Variants in MAML3 observed in about 807,000 individuals in gnomAD.
MAML3 encodes mastermind-like protein 3.
In MAML3, 27 loss-of-function variants were observed where a neutral mutation model predicts 101.9. The observed-to-expected ratio is 0.27, with a 90% CI of 0.20 to 0.37. The LOEUF (loss-of-function observed/expected upper bound fraction) is 0.37. Ranked by LOEUF, MAML3 falls within the 10% of genes least tolerant of loss-of-function variation. The pLI, the probability that MAML3 is intolerant of heterozygous loss-of-function variation, is 1.00. For missense variants in MAML3, 1,316 were observed against 1,444.9 expected, an observed-to-expected ratio of 0.91 and a Z score of 1.45; for synonymous variants, 501 against 555.9, an observed-to-expected ratio of 0.90 and a Z score of 1.39.
intron 2 of MAML3, among the ~76,000 whole-genome samples, chr4:139,842,455 A>T (rs1443431888): frequency 1.3e-5 from 2 of 152,230 alleles, no homozygotes; most frequent in Non-Finnish European, 2.9e-5. Context: ...TACTGCATTC[A>T]TGAGCATCTA....
At chr4:139,852,812 G>A (rs555827730) in intron 2 of MAML3, among the ~76,000 whole-genome samples, 2 of 152,196 alleles carry the variant, frequency 1.3e-5, no homozygotes, top group East Asian at 1.9e-4. Flanking sequence ...CAGCATTCTG[G>A]TTATGTCTCT....
In MAML3 at chr4:139,719,695, C is replaced by T. The variant is rs151251850; in HGVS notation, c.3045G>A (p.Thr1015=). 16 of 1,613,540 alleles carry T rather than the reference C, an allele frequency of 9.9e-6. No homozygotes were observed. The East Asian group carries it at 2.2e-4, about 22-fold the overall frequency. Residue 1015 remains threonine, a synonymous_variant, in exon 5 of 5, where the codon ACG becomes ACA. Coordinates refer to ENST00000509479, the MANE Select transcript of MAML3 (RefSeq NM_018717.5). The part of the protein sequence containing the change: ...GLSQSVVDAN[T]GTVRTLNPAA... ...CTGGGTTGAGGGTCCTCACTGTGCCCGTGTTAGCATCCACGACTGACTGGC... is the reference window on the plus strand; with the variant it reads ...CTGGGTTGAGGGTCCTCACTGTGCCTGTGTTAGCATCCACGACTGACTGGC...
chr4:140,153,200 G>A lies in MAML3; in HGVS notation c.128C>T (p.Ala43Val), dbSNP rs1729208528. 1 of 1,556,264 alleles carries A rather than the reference G, an allele frequency of 6.4e-7. No homozygotes were observed. Among genetic ancestry groups the A allele is most frequent in the Non-Finnish European group, 8.7e-7 (1 of 1,149,644 alleles). The part of the protein sequence containing the change: ...VNNTPNSTPA[A>V]PSSNHPAAGG... ...GGCTGCCGGGTGATTGCTACTCGGA[G>A]CAGCGGGAGTACTATTGGGAGTATT... Residue 43 changes from alanine to valine, a missense_variant, in exon 1 of 5, where the codon GCT (alanine) becomes GTT (valine). Transcript: ENST00000509479.
intron 2 of MAML3, among the ~76,000 whole-genome samples, chr4:139,877,151 T>A (rs1182253263): frequency 8.5e-5 from 13 of 152,200 alleles, no homozygotes. Flanking sequence ...AATTGCATAA[T>A]CTCATGTGTC....
At chr4:139,945,965 C>T (rs1275103297) in intron 1 of MAML3, among the ~76,000 whole-genome samples, 1 of 152,194 alleles carries the variant, frequency 6.6e-6, no homozygotes, top group African/African-American at 2.4e-5. Context: ...CACTGCACAC[C>T]TTCTCAGTCC....
At chr4:139,904,998 T>C (rs1732794369) in intron 1 of MAML3, among the ~76,000 whole-genome samples, 2 of 152,220 alleles carry the variant, frequency 1.3e-5, no homozygotes, top group Non-Finnish European at 2.9e-5. Flanking sequence ...TGAAATGTCA[T>C]TATGTAGCAC....
At position 139,910,862 on chromosome 4, in the gene MAML3, C is replaced by T. The variant is rs541851809; in HGVS notation, c.469-19895G>A. Among the ~76,000 whole-genome samples the T allele has an allele frequency of 2.8e-4, 42 of 152,226 alleles. No homozygotes were observed. The East Asian group carries it at 7.1e-3, about 26-fold the overall frequency. On this transcript the variant is annotated intron_variant, in intron 1 of 4. Coordinates refer to ENST00000509479, the MANE Select transcript of MAML3 (RefSeq NM_018717.5). ...GTCCGAGAAGTATAATACAGGCATA[C>T]AGATATATATAATTGTGGTTAAAAT...
intron 2 of MAML3, among the ~76,000 whole-genome samples, chr4:139,826,822 G>A (rs1056264270): frequency 8.6e-5 from 13 of 151,958 alleles, no homozygotes; most frequent in Non-Finnish European, 7.4e-5. Context: ...AGACACATAC[G>A]GCACCATCAC....
At chr4:140,144,962 C>T (rs1188439410) in intron 1 of MAML3, among the ~76,000 whole-genome samples, 1 of 152,154 alleles carries the variant, frequency 6.6e-6, no homozygotes, top group East Asian at 1.9e-4. Flanking sequence ...CAGCATCTAA[C>T]AAACAAAGAA....
chr4:140,023,412 C>T (rs1726768950), intron 1 of MAML3, among the ~76,000 whole-genome samples: 1 of 152,186 alleles, frequency 6.6e-6, no homozygotes, highest in South Asian at 2.1e-4. Context: ...ATGTGCCCTC[C>T]TGCTAAGCCC....
chr4:140,071,221 C>T (rs1239311981), intron 1 of MAML3, among the ~76,000 whole-genome samples: 1 of 152,224 alleles, frequency 6.6e-6, no homozygotes, highest in Non-Finnish European at 1.5e-5. Flanking sequence ...ACTCCGCACA[C>T]ACTCTCTCTC....
At chr4:139,929,856 G>T (rs1733344832) in intron 1 of MAML3, among the ~76,000 whole-genome samples, 1 of 152,188 alleles carries the variant, frequency 6.6e-6, no homozygotes, top group African/African-American at 2.4e-5. Context: ...GGGAAAAAGA[G>T]CAAGCAACTT....
intron 1 of MAML3, among the ~76,000 whole-genome samples, chr4:139,907,955 G>T (rs1732849495): frequency 6.6e-6 from 1 of 152,062 alleles, no homozygotes; most frequent in African/African-American, 2.4e-5. Flanking sequence ...ACCTTTTCTG[G>T]GTGTCCACAT....
intron 1 of MAML3, 137 bp from the exon 2 acceptor site, chr4:139,891,104 A>G (rs1051672968): frequency 9.6e-7 from 1 of 1,037,012 alleles, no homozygotes; most frequent in African/African-American, 1.6e-5. Flanking sequence ...TTATAATTTC[A>G]AAATCAGGCA....
chr4:140,136,832 A>C (rs1056340245), intron 1 of MAML3, among the ~76,000 whole-genome samples: 1 of 152,212 alleles, frequency 6.6e-6, no homozygotes, highest in Non-Finnish European at 1.5e-5. Flanking sequence ...AATGATAAAC[A>C]ATGATGCTAA....
At chr4:140,028,237 G>A (rs1408104770) in intron 1 of MAML3, among the ~76,000 whole-genome samples, 1 of 152,124 alleles carries the variant, frequency 6.6e-6, no homozygotes, top group African/African-American at 2.4e-5. Context: ...AGATGAAGCA[G>A]GAAGAAGAGA....
In MAML3 at chr4:139,720,538, TAA is replaced by T. The variant is rs531662185; in HGVS notation, c.2417-217_2417-216del. On this transcript the variant is annotated intron_variant, in intron 4 of 4. Transcript: ENST00000509479. ...TGTTAAAAAATACAGAGACAAAAATTAAAGTCACCTGAAATCCCACTATCCAG... is the reference window on the plus strand; with the variant it reads ...TGTTAAAAAATACAGAGACAAAAATTAGTCACCTGAAATCCCACTATCCAG... 2.9e-3 allele frequency among the ~76,000 whole-genome samples: 449 copies of T among 152,358 alleles called. 1 individual carries two copies. The highest frequency in any genetic ancestry group is 0.01 in the Middle Eastern group (3 of 294).
intron 1 of MAML3, among the ~76,000 whole-genome samples, chr4:140,083,029 T>G (rs1373381980): frequency 6.6e-6 from 1 of 152,212 alleles, no homozygotes; most frequent in Non-Finnish European, 1.5e-5. Flanking sequence ...ATGTATATAG[T>G]GCTTAACAGT....
At chr4:139,892,479 GA>G (rs1367452196) in intron 1 of MAML3, among the ~76,000 whole-genome samples, 2 of 151,474 alleles carry the variant, frequency 1.3e-5, no homozygotes, top group African/African-American at 4.9e-5. Flanking sequence ...TCTCTTACTA[GA>G]TTGTTGCAGC....
Sources: allele counts gnomAD v4.1 joint callset (sites outside exome capture counted in the v4.1 genomes callset), GRCh38; gene constraint gnomAD v4.1.1; transcripts MANE v1.5; gene names NCBI Gene and HGNC (gene_info 2026-07-23, HGNC 2026-07-21).